The following PLCB1 variants were observed in gnomAD, a reference collection of about 807,000 sequenced individuals.
The protein encoded by PLCB1 is 1-phosphatidylinositol 4,5-bisphosphate phosphodiesterase beta-1.
PLCB1 carries 46 observed loss-of-function variants against 161.8 expected under a neutral mutation model. That is an observed-to-expected ratio of 0.28 (90% CI 0.22 to 0.36). PLCB1 has a LOEUF of 0.36. Among genes scored for constraint, PLCB1 ranks in the 10% least tolerant of loss-of-function variants. The probability of loss-of-function intolerance (pLI) is 1.00; values close to 1 mark genes in which losing one functional copy is unlikely to be tolerated. For missense variants in PLCB1, 1,016 were observed against 1,472.5 expected (o/e 0.69, Z 5.07); for synonymous variants, 517 against 503.7 (o/e 1.03, Z -0.35).
intron 3 of PLCB1, among the ~76,000 whole-genome samples, chr20:8,523,490 C>CA (rs1206489907): frequency 7.4e-5 from 5 of 67,720 alleles, no homozygotes; most frequent in African/African-American, 1.9e-4. Flanking sequence ...CTCTCTCTCT[C>CA]TCTCTCTATA....
intron 15 of PLCB1, 101 bp from the exon 16 acceptor site, chr20:8,724,555 G>T (rs1198729842): frequency 4.0e-6 from 3 of 748,450 alleles, no homozygotes; most frequent in South Asian, 1.6e-5. Flanking sequence ...AGGGAGGGAT[G>T]ATTTTCTGCA....
chr20:8,571,054 A>G (rs746322794), intron 3 of PLCB1, among the ~76,000 whole-genome samples: 9 of 152,230 alleles, frequency 5.9e-5, no homozygotes, highest in Admixed American at 6.5e-5. Context: ...GTGGAATGGT[A>G]TGTAGGCACC....
At chr20:8,207,587 T>A (rs765953477) in intron 2 of PLCB1, among the ~76,000 whole-genome samples, 2 of 152,096 alleles carry the variant, frequency 1.3e-5, no homozygotes, top group South Asian at 4.1e-4. Context: ...TTTGCTTTTT[T>A]AATTTTTTTA....
chr20:8,214,753 C>A (rs80280484), intron 2 of PLCB1, among the ~76,000 whole-genome samples: 1 of 152,002 alleles, frequency 6.6e-6, no homozygotes, highest in Non-Finnish European at 1.5e-5. Flanking sequence ...ATGTGGCCTG[C>A]GAGTTGCCCA....
intron 2 of PLCB1, among the ~76,000 whole-genome samples, chr20:8,318,017 C>A (rs1164844586): frequency 1.4e-5 from 2 of 143,466 alleles, no homozygotes; most frequent in African/African-American, 5.3e-5. Context: ...GGAAATTTAT[C>A]TAACATCTCA....
chr20:8,589,300 A>G (rs1185014201), intron 3 of PLCB1, among the ~76,000 whole-genome samples: 1 of 152,196 alleles, frequency 6.6e-6, no homozygotes, highest in Non-Finnish European at 1.5e-5. Context: ...CTACCTTTGG[A>G]ATTTACACTC....
intron 3 of PLCB1, among the ~76,000 whole-genome samples, chr20:8,479,679 A>C (rs866624050): frequency 1.2e-4 from 18 of 152,206 alleles, no homozygotes; most frequent in South Asian, 2.1e-4. Flanking sequence ...TGGAGTTGAC[A>C]ATCTACTGCA....
At chr20:8,840,136 T>C (rs1420344416) in intron 31 of PLCB1, among the ~76,000 whole-genome samples, 1 of 152,246 alleles carries the variant, frequency 6.6e-6, no homozygotes, top group South Asian at 2.1e-4. Context: ...TCATATCACA[T>C]AGAATCACTG....
At chr20:8,173,076 C>T (rs1287630430) in intron 2 of PLCB1, among the ~76,000 whole-genome samples, 1 of 152,188 alleles carries the variant, frequency 6.6e-6, no homozygotes, top group African/African-American at 2.4e-5. Context: ...CTGACCAGGC[C>T]TGGGACTTCT....
At chr20:8,614,289 C>T (rs771982615) in intron 3 of PLCB1, among the ~76,000 whole-genome samples, 5 of 151,872 alleles carry the variant, frequency 3.3e-5, no homozygotes, top group Non-Finnish European at 7.4e-5. Flanking sequence ...CAATTACACA[C>T]CAGGAATTTA....
At chr20:8,788,797 T>G in intron 29 of PLCB1, 75 bp downstream of exon 29, 35 of 911,862 alleles carry the variant, frequency 3.8e-5, no homozygotes, top group Non-Finnish European at 5.2e-5. Context: ...AGTCACAGGT[T>G]CATAACCAGT....
intron 2 of PLCB1, among the ~76,000 whole-genome samples, chr20:8,181,954 G>A (rs573674436): frequency 4.1e-4 from 62 of 152,262 alleles, no homozygotes; most frequent in African/African-American, 1.3e-3. Context: ...GAGCTACAGA[G>A]TAAGATCCTG....
intron 2 of PLCB1, among the ~76,000 whole-genome samples, chr20:8,278,801 G>T (rs1982725287): frequency 6.6e-6 from 1 of 152,052 alleles, no homozygotes. Context: ...ATACACGTGT[G>T]TTATGGCTAA....
intron 2 of PLCB1, among the ~76,000 whole-genome samples, chr20:8,261,578 A>G (rs530414971): frequency 2.0e-5 from 3 of 152,242 alleles, no homozygotes; most frequent in Non-Finnish European, 2.9e-5. Flanking sequence ...TTAATGGTTG[A>G]CCAGGGGATC....
chr20:8,217,261 A>G (rs921494215), intron 2 of PLCB1, among the ~76,000 whole-genome samples: 1 of 152,128 alleles, frequency 6.6e-6, no homozygotes, highest in Non-Finnish European at 1.5e-5. Context: ...CTCTAACCCT[A>G]GGTGATCTCT....
chr20:8,451,924 TA>T (rs1981090995), intron 3 of PLCB1, among the ~76,000 whole-genome samples: 1 of 151,796 alleles, frequency 6.6e-6, no homozygotes, highest in South Asian at 2.1e-4. Flanking sequence ...TTCACTCATC[TA>T]AAAAAAACCT....
intron 14 of PLCB1, among the ~76,000 whole-genome samples, chr20:8,718,913 A>T (rs1315638296): frequency 6.6e-6 from 1 of 152,214 alleles, no homozygotes; most frequent in Non-Finnish European, 1.5e-5. Context: ...GTTTTAAAGA[A>T]CTTTTTAAAA....
chr20:8,549,628 C>G (rs560791615), intron 3 of PLCB1, among the ~76,000 whole-genome samples: 3 of 152,110 alleles, frequency 2.0e-5, no homozygotes, highest in Non-Finnish European at 4.4e-5. Flanking sequence ...CAGAGTCTCC[C>G]CTGTCACCCA....
chr20:8,619,040 A>C (rs1568531432), intron 3 of PLCB1, among the ~76,000 whole-genome samples: 3 of 152,226 alleles, frequency 2.0e-5, no homozygotes, highest in African/African-American at 7.2e-5. Context: ...ATTTAGCTTT[A>C]TAGATAAATT....
Sources: gnomAD v4.1 joint callset for allele counts (sites outside exome capture counted in the v4.1 genomes callset) on GRCh38, gnomAD v4.1.1 for gene constraint, MANE v1.5 for transcripts, NCBI Gene and HGNC (gene_info 2026-07-23, HGNC 2026-07-21) for gene names.